AGBL4: variants seen among roughly 807,000 people sequenced by gnomAD.
The protein encoded by AGBL4 is AGBL carboxypeptidase 4.
A neutral mutation model predicts 66.4 loss-of-function variants in AGBL4; 58 were observed. That is an observed-to-expected ratio of 0.87 (90% CI 0.71 to 1.09). AGBL4 has a LOEUF of 1.09. AGBL4 is among the 50% of genes least tolerant of loss of function. The pLI is 0.00. For missense variants in AGBL4, 579 were observed against 631.0 expected (o/e 0.92, Z 0.88); for synonymous variants, 234 against 222.9 (o/e 1.05, Z -0.44).
At chr1:49,774,593 A>C (rs1431240057) in intron 2 of AGBL4, among the ~76,000 whole-genome samples, 1 of 152,244 alleles carries the variant, frequency 6.6e-6, no homozygotes. Context: ...CTAGATATCC[A>C]GTTTTAAAAT....
At chr1:48,982,244 G>T (rs533857073) in intron 5 of AGBL4, among the ~76,000 whole-genome samples, 1 of 152,132 alleles carries the variant, frequency 6.6e-6, no homozygotes, top group Admixed American at 6.5e-5. Flanking sequence ...TGTGCACAAC[G>T]TGCAGGTTTG....
At chr1:49,512,831 T>C (rs934377832) in intron 3 of AGBL4, among the ~76,000 whole-genome samples, 2 of 151,984 alleles carry the variant, frequency 1.3e-5, no homozygotes, top group South Asian at 2.1e-4. Flanking sequence ...AATCTCACCC[T>C]AGATCACAGA....
intron 1 of AGBL4, among the ~76,000 whole-genome samples, chr1:49,875,935 T>G (rs1200560917): frequency 5.4e-5 from 8 of 148,582 alleles, no homozygotes; most frequent in African/African-American, 7.5e-5. Context: ...TCATGTGTTT[T>G]TTGGCTGCAT....
chr1:49,071,910 T>TTGTA (rs1644612376), intron 4 of AGBL4, among the ~76,000 whole-genome samples: 1 of 152,186 alleles, frequency 6.6e-6, no homozygotes, highest in Non-Finnish European at 1.5e-5. Context: ...AGAATTTGCT[T>TTGTA]TGTGAATCTG....
At chr1:48,984,028 A>G (rs540134983) in intron 5 of AGBL4, among the ~76,000 whole-genome samples, 117 of 152,244 alleles carry the variant, frequency 7.7e-4, no homozygotes, top group African/African-American at 2.8e-3. Context: ...CCAGGAGAGA[A>G]GCAGATGCTC....
At chr1:49,806,779 G>A (rs115823703) in intron 2 of AGBL4, among the ~76,000 whole-genome samples, 2 of 152,190 alleles carry the variant, frequency 1.3e-5, no homozygotes, top group Non-Finnish European at 2.9e-5. Flanking sequence ...TCAAAAAGGG[G>A]CCATAGGTGC....
intron 5 of AGBL4, among the ~76,000 whole-genome samples, chr1:49,034,304 A>G (rs1481306090): frequency 6.6e-6 from 1 of 152,140 alleles, no homozygotes; most frequent in Non-Finnish European, 1.5e-5. Context: ...AATGAATTTG[A>G]TTGGATTAAT....
intron 5 of AGBL4, among the ~76,000 whole-genome samples, chr1:48,890,990 G>A (rs139895556): frequency 5.3e-5 from 8 of 152,284 alleles, no homozygotes; most frequent in African/African-American, 1.7e-4. Context: ...GGATCGTGGC[G>A]AAGTGTAGTG....
At chr1:48,657,215 C>T (rs531597165) in intron 7 of AGBL4, among the ~76,000 whole-genome samples, 1 of 152,276 alleles carries the variant, frequency 6.6e-6, no homozygotes, top group South Asian at 2.1e-4. Flanking sequence ...ATAAGAATTA[C>T]TTGTGGGTTC....
At chr1:48,750,434 G>T (rs1651507155) in intron 6 of AGBL4, among the ~76,000 whole-genome samples, 1 of 152,136 alleles carries the variant, frequency 6.6e-6, no homozygotes, top group Non-Finnish European at 1.5e-5. Context: ...GCCTGAGATA[G>T]TTCCTTAACT....
chr1:49,325,478 C>T (rs930703867), intron 3 of AGBL4, among the ~76,000 whole-genome samples: 24 of 152,194 alleles, frequency 1.6e-4, no homozygotes, highest in Non-Finnish European at 2.9e-4. Context: ...TTATAATACC[C>T]AGAAGCCATT....
At chr1:48,661,916 A>G (rs1570168895) in intron 7 of AGBL4, among the ~76,000 whole-genome samples, 2 of 152,186 alleles carry the variant, frequency 1.3e-5, no homozygotes, top group Non-Finnish European at 2.9e-5. Flanking sequence ...AGGTTACTGC[A>G]AGGACAATGC....
intron 1 of AGBL4, among the ~76,000 whole-genome samples, chr1:50,013,302 G>A (rs1661691144): frequency 6.6e-6 from 1 of 152,080 alleles, no homozygotes; most frequent in Non-Finnish European, 1.5e-5. Flanking sequence ...TCAAAATATA[G>A]GGGAAAGTTT....
At chr1:49,989,822 T>C (rs1428413676) in intron 1 of AGBL4, among the ~76,000 whole-genome samples, 1 of 152,206 alleles carries the variant, frequency 6.6e-6, no homozygotes, top group African/African-American at 2.4e-5. Flanking sequence ...CTCTTTACAG[T>C]ATTATTTCCT....
At chr1:49,350,788 A>C (rs1019666453) in intron 3 of AGBL4, among the ~76,000 whole-genome samples, 3 of 149,820 alleles carry the variant, frequency 2.0e-5, no homozygotes, top group Non-Finnish European at 4.4e-5. Flanking sequence ...CCCAGAGTCC[A>C]TTATATCATT....
At chr1:48,702,955 G>A (rs887136529) in intron 6 of AGBL4, among the ~76,000 whole-genome samples, 2 of 152,086 alleles carry the variant, frequency 1.3e-5, no homozygotes, top group East Asian at 1.9e-4. Flanking sequence ...CCACAGTGAG[G>A]GGTTAACAGT....
intron 3 of AGBL4, among the ~76,000 whole-genome samples, chr1:49,689,933 GAGAAGTATTTCATGAGTTAAC>G: frequency 6.6e-6 from 1 of 152,246 alleles, no homozygotes; most frequent in East Asian, 1.9e-4. Context: ...ACCTGCTACA[GAGAAGTATTTCATGAGTTAAC>G]TGATGAAGTC....
intron 4 of AGBL4, among the ~76,000 whole-genome samples, chr1:49,106,562 C>T (rs984983855): frequency 4.6e-5 from 7 of 152,140 alleles, no homozygotes; most frequent in African/African-American, 1.7e-4. Context: ...CTGCCCTAGG[C>T]ATAGTTCACT....
chr1:48,739,592 C>T (rs1337506266), intron 6 of AGBL4, among the ~76,000 whole-genome samples: 4 of 152,318 alleles, frequency 2.6e-5, no homozygotes, highest in Admixed American at 6.5e-5. Flanking sequence ...ATTCTACCTG[C>T]GTGCTGGTTA....
Sources: allele counts gnomAD v4.1 joint callset (sites outside exome capture counted in the v4.1 genomes callset), GRCh38; gene constraint gnomAD v4.1.1; transcripts MANE v1.5; gene names NCBI Gene and HGNC (gene_info 2026-07-23, HGNC 2026-07-21).